The following AADACL4 variants were observed in gnomAD, a reference collection of about 807,000 sequenced individuals.
AADACL4 encodes the protein arylacetamide deacetylase like 4.
A neutral mutation model predicts 14.1 loss-of-function variants in AADACL4; 9 were observed. The observed-to-expected ratio is 0.64, with a 90% CI of 0.39 to 1.12. The LOEUF is 1.12. Ranked by LOEUF, AADACL4 falls within the 50% of genes most tolerant of loss-of-function variation. AADACL4 has a pLI of 0.01. For missense variants in AADACL4, 531 were observed against 516.1 expected (o/e 1.03, Z -0.28); for synonymous variants, 188 against 201.6 (o/e 0.93, Z 0.57).
intron 2 of AADACL4, among the ~76,000 whole-genome samples, chr1:12,658,117 TTCCTTC>T (rs1647195544): frequency 1.3e-5 from 1 of 77,272 alleles, no homozygotes; most frequent in African/African-American, 6.3e-5. Context: ...CTTTCCTTCC[TTCCTTC>T]CTTCCTTCCT....
rs201197380 is a variant in AADACL4, at chr1:12,652,716, TG to T, written c.385+1379del. ...AAAAGATGATGTTTTCTCGGAACTG[TG>T]GTGCCACCCATTTATACACCAAATA... On this transcript the variant is annotated intron_variant, in intron 2 of 3. Coordinates refer to ENST00000376221, the MANE Select transcript of AADACL4 (RefSeq NM_001013630.2). 7.0e-4 allele frequency among the ~76,000 whole-genome samples: 106 copies of T among 152,324 alleles called. 1 individual carries two copies. In the South Asian group the frequency reaches 0.01, roughly 15 times the overall value.
intron 2 of AADACL4, among the ~76,000 whole-genome samples, chr1:12,656,261 A>T (rs1242116632): frequency 6.6e-6 from 1 of 152,214 alleles, no homozygotes; most frequent in Non-Finnish European, 1.5e-5. Flanking sequence ...TGTCCACACC[A>T]GGGAGACAGG....
Position 12,651,351 on chromosome 1 carries a change from C to T in AADACL4, c.385+12C>T. The T allele has an allele frequency of 6.2e-7, 1 of 1,613,610 alleles. No individual in the cohort carries two copies. Among genetic ancestry groups the T allele is most frequent in the Non-Finnish European group, 8.5e-7 (1 of 1,179,822 alleles). ...ATTTGGGAGCCTGGGTAAGGGGCTT[C>T]CCTGTGGCTTTGTAGAGGAAGGGCC... On this transcript the variant is annotated intron_variant, in intron 2 of 3. Coordinates refer to ENST00000376221, the MANE Select transcript of AADACL4 (RefSeq NM_001013630.2).
chr1:12,651,136 A>G lies in AADACL4; in HGVS notation c.182A>G (p.Glu61Gly). The change falls in exon 2 of 4, where the codon GAG (glutamate) becomes GGG (glycine). Residue 61 changes from glutamate (E) to glycine (G), a missense_variant. Transcript: ENST00000376221. Reference protein sequence around the residue: ...LYLVTLGNIFEKLGICSMPKF... With the variant: ...LYLVTLGNIFGKLGICSMPKF... Reference sequence around the variant, plus strand: ...TACCTCCAACAGGGGAATATATTTGAGAAGCTGGGAATTTGCTCCATGCCC... The same window carrying G: ...TACCTCCAACAGGGGAATATATTTGGGAAGCTGGGAATTTGCTCCATGCCC... The G allele has an allele frequency of 6.2e-7, 1 of 1,614,144 alleles. No individual in the cohort carries two copies. The highest frequency in any genetic ancestry group is 8.5e-7 in the Non-Finnish European group (1 of 1,179,992).
At chr1:12,654,939 T>TCGCTGGCTGGTCAGGGCTGTGGC (rs1553147416) in intron 2 of AADACL4, among the ~76,000 whole-genome samples, 3 of 152,274 alleles carry the variant, frequency 2.0e-5, no homozygotes, top group Admixed American at 6.5e-5. Flanking sequence ...AATACGAGTC[T>TCGCTGGCTGGTCAGGGCTGTGGC]CGCTGGCTGG....
chr1:12,657,648 AG>A (rs1557550548), intron 2 of AADACL4, among the ~76,000 whole-genome samples: 1 of 152,212 alleles, frequency 6.6e-6, no homozygotes, highest in Admixed American at 6.5e-5. Flanking sequence ...CTACCTTTAT[AG>A]GTTTCTTTAA....
Position 12,661,774 on chromosome 1 carries a change from G to T in AADACL4, c.386-17G>T. ...TCCTACTCATGCGCTGCTGCTCTGA[G>T]TGTTTTTGTCTTGCAGATTGTTACC... On this transcript the variant is annotated splice_polypyrimidine_tract_variant and intron_variant, in intron 2 of 3. Transcript: ENST00000376221. 6.2e-7 allele frequency: 1 copy of T among 1,613,778 alleles called. No individual in the cohort carries two copies. Among genetic ancestry groups the T allele is most frequent in the Non-Finnish European group, 8.5e-7 (1 of 1,179,830 alleles).
chr1:12,649,711 A>G (rs763120679), intron 1 of AADACL4, among the ~76,000 whole-genome samples: 1 of 152,192 alleles, frequency 6.6e-6, no homozygotes, highest in Admixed American at 6.5e-5. Flanking sequence ...GAGACACTCT[A>G]TGTAGGTGAT....
At chr1:12,645,640 T>C (rs540487049) in intron 1 of AADACL4, among the ~76,000 whole-genome samples, 25 of 152,174 alleles carry the variant, frequency 1.6e-4, no homozygotes, top group African/African-American at 5.5e-4. Context: ...CCTCCTGGGC[T>C]CAAGCGATCC....
intron 1 of AADACL4, among the ~76,000 whole-genome samples, chr1:12,650,509 G>C (rs1185228987): frequency 6.6e-6 from 1 of 151,660 alleles, no homozygotes; most frequent in Non-Finnish European, 1.5e-5. Flanking sequence ...TTGCTGGCCA[G>C]TTGCCTTGGC....
At position 12,663,079 on chromosome 1, in the gene AADACL4, C is replaced by A. The variant is rs569226475; in HGVS notation, c.449+1225C>A. ...AGCTGCATGCACAGATAAGGGCTTC[C>A]AGGAGGCTGCAGGGAGACAGTAGCT... On this transcript the variant is annotated intron_variant, in intron 3 of 3. Transcript: ENST00000376221. Among the ~76,000 whole-genome samples, 3 of 152,202 alleles carry A rather than the reference C, an allele frequency of 2.0e-5. No homozygotes were observed. In the East Asian group the frequency reaches 5.8e-4, roughly 29 times the overall value.
Position 12,661,774 on chromosome 1 carries a change from G to C in AADACL4, c.386-17G>C, listed in dbSNP as rs201004446. 3.7e-6 allele frequency: 6 copies of C among 1,613,778 alleles called. No individual in the cohort carries two copies. The East Asian group carries it at 6.7e-5, about 18-fold the overall frequency. On this transcript the variant is annotated splice_polypyrimidine_tract_variant and intron_variant, in intron 2 of 3. Coordinates refer to ENST00000376221, the MANE Select transcript of AADACL4 (RefSeq NM_001013630.2). ...TCCTACTCATGCGCTGCTGCTCTGA[G>C]TGTTTTTGTCTTGCAGATTGTTACC...
chr1:12,649,151 C>T (rs1348883927), intron 1 of AADACL4, among the ~76,000 whole-genome samples: 1 of 152,172 alleles, frequency 6.6e-6, no homozygotes, highest in Non-Finnish European at 1.5e-5. Context: ...CCACTGCACT[C>T]CAACCTGGGC....
chr1:12,661,876 G>A (rs1191895708), intron 3 of AADACL4, 22 bp downstream of exon 3: 1 of 1,612,588 alleles, frequency 6.2e-7, no homozygotes, highest in Admixed American at 1.7e-5. Context: ...GAGACAGCTG[G>A]TAGGTTCCAC....
At chr1:12,655,410 G>C (rs1167642641) in intron 2 of AADACL4, among the ~76,000 whole-genome samples, 1 of 152,022 alleles carries the variant, frequency 6.6e-6, no homozygotes, top group African/African-American at 2.4e-5. Context: ...GGCCTCTTCA[G>C]TTCTCAGTTA....
intron 1 of AADACL4, among the ~76,000 whole-genome samples, chr1:12,645,807 G>A (rs1253343546): frequency 1.3e-5 from 2 of 152,228 alleles, no homozygotes; most frequent in African/African-American, 2.4e-5. Flanking sequence ...GCCTCCCAAA[G>A]TGTAGGGATT....
chr1:12,663,788 T>C (rs1269100091), intron 3 of AADACL4, among the ~76,000 whole-genome samples: 1 of 152,162 alleles, frequency 6.6e-6, no homozygotes, highest in Non-Finnish European at 1.5e-5. Flanking sequence ...TACTCTCTGC[T>C]ACCAGGTGAA....
chr1:12,657,762 A>G (rs191702557), intron 2 of AADACL4, among the ~76,000 whole-genome samples: 31 of 152,238 alleles, frequency 2.0e-4, no homozygotes, highest in Middle Eastern at 3.4e-3. Flanking sequence ...GTGTCCCAGA[A>G]CTGCCATGGT....
At chr1:12,665,810 G>A in intron 3 of AADACL4, 151 bp from the exon 4 acceptor site, 3 of 881,286 alleles carry the variant, frequency 3.4e-6, no homozygotes, top group South Asian at 2.0e-5. Context: ...ATGCTCATAG[G>A]AAGACAATGG....
Sources: gnomAD v4.1 joint callset for allele counts (sites outside exome capture counted in the v4.1 genomes callset) on GRCh38, gnomAD v4.1.1 for gene constraint, MANE v1.5 for transcripts, NCBI Gene and HGNC (gene_info 2026-07-23, HGNC 2026-07-21) for gene names.